The following ATXN1 variants were observed in gnomAD, a reference collection of about 807,000 sequenced individuals.
The protein encoded by ATXN1 is ataxin 1.
In ATXN1, 8 loss-of-function variants were observed where a neutral mutation model predicts 56.4. That is an observed-to-expected ratio of 0.14 (90% CI 0.08 to 0.26). The LOEUF (loss-of-function observed/expected upper bound fraction) is 0.26. Among genes scored for constraint, ATXN1 ranks in the 10% least tolerant of loss-of-function variants. ATXN1 has a pLI of 1.00. For missense variants in ATXN1, 987 were observed against 1,106.5 expected, an observed-to-expected ratio of 0.89 and a Z score of 1.53; for synonymous variants, 514 against 494.6, an observed-to-expected ratio of 1.04 and a Z score of -0.52.
chr6:16,451,598 A>C (rs1759754066), intron 6 of ATXN1, among the ~76,000 whole-genome samples: 1 of 152,126 alleles, frequency 6.6e-6, no homozygotes, highest in Admixed American at 6.5e-5. Context: ...TCTGCTAAAA[A>C]TGTAAAATTA....
chr6:16,680,021 T>C (rs1020545507), intron 2 of ATXN1, among the ~76,000 whole-genome samples: 1 of 152,240 alleles, frequency 6.6e-6, no homozygotes, highest in Non-Finnish European at 1.5e-5. Flanking sequence ...TTAAAGCACA[T>C]AGTCAAGTAA....
intron 3 of ATXN1, among the ~76,000 whole-genome samples, chr6:16,632,480 C>T (rs1344635419): frequency 6.6e-6 from 1 of 152,158 alleles, no homozygotes; most frequent in African/African-American, 2.4e-5. Flanking sequence ...TGAATTCACA[C>T]AGGCAAGATT....
At chr6:16,444,144 C>T (rs561141685) in intron 6 of ATXN1, among the ~76,000 whole-genome samples, 62 of 151,484 alleles carry the variant, frequency 4.1e-4, no homozygotes, top group African/African-American at 1.4e-3. Flanking sequence ...TACACACAAT[C>T]GATCTATATC....
chr6:16,386,186 T>G (rs1758237504), intron 6 of ATXN1, among the ~76,000 whole-genome samples: 1 of 152,210 alleles, frequency 6.6e-6, no homozygotes, highest in African/African-American at 2.4e-5. Flanking sequence ...CAAAAATAAT[T>G]AAGTGAAGGT....
chr6:16,565,710 A>C (rs1762204687), intron 4 of ATXN1, among the ~76,000 whole-genome samples: 1 of 152,202 alleles, frequency 6.6e-6, no homozygotes, highest in Admixed American at 6.5e-5. Context: ...ATTGCTCAAA[A>C]AATTTCCAGG....
intron 5 of ATXN1, among the ~76,000 whole-genome samples, chr6:16,501,620 G>C (rs1407713956): frequency 6.6e-6 from 1 of 152,126 alleles, no homozygotes; most frequent in African/African-American, 2.4e-5. Context: ...GAGGCTTCCA[G>C]CTTCATCCAT....
At chr6:16,590,846 T>A (rs1417846179) in intron 3 of ATXN1, among the ~76,000 whole-genome samples, 1 of 147,024 alleles carries the variant, frequency 6.8e-6, no homozygotes, top group African/African-American at 2.5e-5. Flanking sequence ...ATTTTTTAAT[T>A]TTTTTTTTTT....
At chr6:16,608,226 T>A (rs1335407862) in intron 3 of ATXN1, among the ~76,000 whole-genome samples, 1 of 152,240 alleles carries the variant, frequency 6.6e-6, no homozygotes, top group Non-Finnish European at 1.5e-5. Flanking sequence ...TGTCTGCCTA[T>A]CCAGCTCTCT....
intron 6 of ATXN1, among the ~76,000 whole-genome samples, chr6:16,378,553 ATTTATTT>A (rs1200729890): frequency 6.6e-6 from 1 of 150,946 alleles, no homozygotes; most frequent in East Asian, 1.9e-4. Context: ...TTATTTATTT[ATTTATTT>A]ATTTATTTAT....
At position 16,306,686 on chromosome 6, in the gene ATXN1, C is replaced by T; in HGVS notation, c.2091G>A (p.Lys697=). ...CGCTGGCGGGATCCACGGGCTGGCC[C>T]TTTTTAACAGAGCCGTTCTTCAGGT... ...LKNLKNGSVK[K]GQPVDPASVL... Residue 697 remains lysine (K), a synonymous_variant, in exon 8 of 8, where the codon AAG becomes AAA. Coordinates refer to ENST00000436367, the MANE Select transcript of ATXN1 (RefSeq NM_001128164.2). This position sits in a 1 kb window ranked among gnomAD's most constrained non-coding sequence, Gnocchi z 5.2. The T allele has an allele frequency of 6.2e-7, 1 of 1,614,188 alleles. No homozygotes were observed. Among genetic ancestry groups the T allele is most frequent in the East Asian group, 2.2e-5 (1 of 44,882 alleles).
chr6:16,541,319 T>C (rs1036947781), intron 4 of ATXN1, among the ~76,000 whole-genome samples: 2 of 152,240 alleles, frequency 1.3e-5, no homozygotes, highest in Admixed American at 1.3e-4. Context: ...TTTACGACTC[T>C]GACCCATGGG....
chr6:16,404,830 A>C (rs1021387883), intron 6 of ATXN1, among the ~76,000 whole-genome samples: 1 of 152,204 alleles, frequency 6.6e-6, no homozygotes, highest in East Asian at 1.9e-4. Context: ...CTGTCGGTAC[A>C]GCCTGGGGAG....
At chr6:16,747,467 G>A (rs1760572041) in intron 2 of ATXN1, among the ~76,000 whole-genome samples, 1 of 152,168 alleles carries the variant, frequency 6.6e-6, no homozygotes, top group South Asian at 2.1e-4. Flanking sequence ...ACATACAACT[G>A]TTACAGGGAG....
Position 16,640,098 on chromosome 6 carries a change from C to T in ATXN1, c.-489+17678G>A, listed in dbSNP as rs572238666. ...TCAAATTGAAGTTCTGTGGCAACCC[C>T]GTGTCAAGCAACTCCACCAGCATCA... On this transcript the variant is annotated intron_variant, in intron 3 of 7. Transcript: ENST00000436367. 5.9e-5 allele frequency among the ~76,000 whole-genome samples: 9 copies of T among 152,140 alleles called. No individual in the cohort carries two copies. In the South Asian group the frequency reaches 1.2e-3, roughly 21 times the overall value.
intron 6 of ATXN1, among the ~76,000 whole-genome samples, chr6:16,352,377 A>T (rs915625405): frequency 6.6e-6 from 1 of 152,216 alleles, no homozygotes; most frequent in Non-Finnish European, 1.5e-5. Flanking sequence ...AGGCATGAGT[A>T]ATGCCTTAGA....
intron 3 of ATXN1, among the ~76,000 whole-genome samples, chr6:16,647,868 G>T (rs1483952979): frequency 6.6e-6 from 1 of 152,194 alleles, no homozygotes; most frequent in Non-Finnish European, 1.5e-5. Context: ...CTGAGGTCAG[G>T]AGTTTGAGGC....
At chr6:16,622,420 A>G (rs910121353) in intron 3 of ATXN1, among the ~76,000 whole-genome samples, 6 of 152,160 alleles carry the variant, frequency 3.9e-5, no homozygotes, top group African/African-American at 1.4e-4. Flanking sequence ...CAAACAAGCA[A>G]AGAGTACAAG....
At chr6:16,445,778 G>GT (rs1759622091) in intron 6 of ATXN1, among the ~76,000 whole-genome samples, 1 of 147,844 alleles carries the variant, frequency 6.8e-6, no homozygotes, top group Non-Finnish European at 1.5e-5. Flanking sequence ...GCGGTGTTTG[G>GT]TTTTTTGTCC....
chr6:16,627,860 C>T (rs906240687), intron 3 of ATXN1, among the ~76,000 whole-genome samples: 3 of 152,100 alleles, frequency 2.0e-5, no homozygotes, highest in Non-Finnish European at 4.4e-5. Context: ...AGCAATAAGT[C>T]GAAGCAACAT....
Sources: gnomAD v4.1 joint callset for allele counts (sites outside exome capture counted in the v4.1 genomes callset) on GRCh38, gnomAD v4.1.1 for gene constraint, Gnocchi (gnomAD v3.1) non-coding constraint, MANE v1.5 for transcripts, NCBI Gene and HGNC (gene_info 2026-07-23, HGNC 2026-07-21) for gene names.